Variants in ST7L observed in about 807,000 individuals in gnomAD.
ST7L encodes suppressor of tumorigenicity 7 protein-like.
ST7L carries 57 observed loss-of-function variants against 72.5 expected under a neutral mutation model. The ratio of observed to expected loss-of-function variants is 0.79; its 90% CI spans 0.64 to 0.98. The LOEUF is 0.98. Ranked by LOEUF, ST7L falls within the 50% of genes least tolerant of loss-of-function variation. The probability of loss-of-function intolerance (pLI) is 0.00; values close to 1 mark genes in which losing one functional copy is unlikely to be tolerated. For synonymous variants in ST7L, 221 were observed against 240.9 expected (o/e 0.92, Z 0.77); for missense variants, 576 against 672.2 (o/e 0.86, Z 1.58).
At chr1:112,547,180 GCTTT>G (rs1334511548) in intron 13 of ST7L, among the ~76,000 whole-genome samples, 192 of 150,008 alleles carry the variant, frequency 1.3e-3, no homozygotes, top group African/African-American at 4.5e-3. Flanking sequence ...CCCTTCTAGA[GCTTT>G]CTTTCTTTCT....
At chr1:112,570,887 T>G (rs1661993408) in intron 11 of ST7L, 1 of 410,850 alleles carries the variant, frequency 2.4e-6, no homozygotes, top group Non-Finnish European at 4.9e-6. Flanking sequence ...TCACAAATCT[T>G]CTCCAAAAGT....
At chr1:112,591,091 C>T (rs887872295) in intron 6 of ST7L, among the ~76,000 whole-genome samples, 4 of 151,908 alleles carry the variant, frequency 2.6e-5, no homozygotes, top group African/African-American at 9.7e-5. Context: ...CCCCCATGCC[C>T]GGCTAATTTT....
intron 5 of ST7L, among the ~76,000 whole-genome samples, chr1:112,595,411 C>T (rs1186353740): frequency 2.2e-5 from 3 of 138,478 alleles, no homozygotes; most frequent in East Asian, 2.2e-4. Context: ...CATTTGTTTA[C>T]GTATTGTTTT....
chr1:112,530,573 T>C (rs115063385), intron 14 of ST7L, among the ~76,000 whole-genome samples: 3,050 of 152,022 alleles, frequency 0.02, 104 homozygotes, highest in African/African-American at 0.069. Flanking sequence ...TGCCACCACA[T>C]CAGGCTAATT....
intron 11 of ST7L, among the ~76,000 whole-genome samples, chr1:112,572,752 A>C (rs2101782044): frequency 6.6e-6 from 1 of 152,198 alleles, no homozygotes; most frequent in African/African-American, 2.4e-5. Context: ...ATTATGTAAA[A>C]AATGTTGCTA....
intron 2 of ST7L, among the ~76,000 whole-genome samples, chr1:112,614,783 C>T (rs1295064881): frequency 6.6e-6 from 1 of 151,662 alleles, no homozygotes; most frequent in African/African-American, 2.4e-5. Context: ...TCTGTCTCTA[C>T]AAAAAATAAA....
chr1:112,540,072 C>A, intron 14 of ST7L: 1 of 985,380 alleles, frequency 1.0e-6, no homozygotes, highest in Non-Finnish European at 1.2e-6. Context: ...CGTAAAGATT[C>A]TTCTGGTGCC....
intron 11 of ST7L, among the ~76,000 whole-genome samples, chr1:112,560,467 G>A (rs1659938317): frequency 6.6e-6 from 1 of 152,046 alleles, no homozygotes; most frequent in Non-Finnish European, 1.5e-5. Context: ...TAAAATAAAA[G>A]TTGATCCCCA....
At chr1:112,540,817 C>T (rs10745330) in intron 14 of ST7L, 618,785 of 1,286,722 alleles carry the variant, frequency 0.48, 150,651 homozygotes, top group East Asian at 0.64. Context: ...TCAGTGTTTT[C>T]ATTTTTGGGA....
intron 6 of ST7L, among the ~76,000 whole-genome samples, chr1:112,587,437 A>G (rs12730156): frequency 0.12 from 17,971 of 151,926 alleles, 1,359 homozygotes; most frequent in Non-Finnish European, 0.16. Context: ...CCTTGTCTCT[A>G]CTCTAAAAAT....
chr1:112,612,108 A>T (rs1338872271), intron 2 of ST7L, among the ~76,000 whole-genome samples: 2 of 151,836 alleles, frequency 1.3e-5, no homozygotes, highest in African/African-American at 4.8e-5. Flanking sequence ...TCCTTTTTTT[A>T]AAATGTTTTG....
intron 11 of ST7L, among the ~76,000 whole-genome samples, chr1:112,566,667 G>C (rs1322059000): frequency 6.6e-6 from 1 of 152,100 alleles, no homozygotes; most frequent in Non-Finnish European, 1.5e-5. Context: ...CTGACCACCT[G>C]AGGCAAACAG....
chr1:112,581,645 T>A (rs190236549), intron 9 of ST7L, among the ~76,000 whole-genome samples: 2 of 152,210 alleles, frequency 1.3e-5, no homozygotes, highest in South Asian at 2.1e-4. Context: ...GCTCAAGTGA[T>A]CCTCCCACCT....
intron 3 of ST7L, among the ~76,000 whole-genome samples, chr1:112,606,741 A>G (rs1668306711): frequency 6.6e-6 from 1 of 152,232 alleles, no homozygotes; most frequent in South Asian, 2.1e-4. Flanking sequence ...AGATCAAGGT[A>G]CTAGAATGGT....
At chr1:112,549,130 C>T (rs1258687793) in intron 13 of ST7L, among the ~76,000 whole-genome samples, 3 of 152,114 alleles carry the variant, frequency 2.0e-5, no homozygotes, top group African/African-American at 7.2e-5. Context: ...TGGTGGTTCA[C>T]GCCTGTAGGC....
intron 12 of ST7L, among the ~76,000 whole-genome samples, 177 bp from the exon 13 acceptor site, chr1:112,550,870 T>C (rs1237225416): frequency 6.6e-6 from 1 of 152,186 alleles, no homozygotes; most frequent in Non-Finnish European, 1.5e-5. Context: ...TTTATTTAGA[T>C]AATAGTGAAT....
downstream of ST7L, among the ~76,000 whole-genome samples, chr1:112,519,562 C>T (rs1016888436): frequency 5.3e-5 from 8 of 152,096 alleles, no homozygotes; most frequent in Middle Eastern, 3.2e-3. Flanking sequence ...TAAGCATTCC[C>T]TATGCATGGG....
rs138424786 is a variant in ST7L, at chr1:112,595,933, T to C, written c.622+2038A>G. Among the ~76,000 whole-genome samples, 5 of 152,318 alleles carry C rather than the reference T, an allele frequency of 3.3e-5. No individual in the cohort carries two copies. The East Asian group carries it at 9.6e-4, about 29-fold the overall frequency. On this transcript the variant is annotated intron_variant, in intron 5 of 14. Transcript: ENST00000358039. ...AAAATTCTTTTGGGAGATATTCAAA[T>C]AAAAATGTTTTAATACCACAACTTC...
chr1:112,618,162 G>T, intron 1 of ST7L: 1 of 1,253,924 alleles, frequency 8.0e-7, no homozygotes. Flanking sequence ...CATGGTAAGG[G>T]GACCTGGGCC....
Sources: allele counts gnomAD v4.1 joint callset (sites outside exome capture counted in the v4.1 genomes callset), GRCh38; gene constraint gnomAD v4.1.1; transcripts MANE v1.5; gene names NCBI Gene and HGNC (gene_info 2026-07-23, HGNC 2026-07-21).